The following SLC2A9 variants were observed in gnomAD, a reference collection of about 807,000 sequenced individuals.
SLC2A9 encodes solute carrier family 2 member 9.
Under a neutral mutation model 50.6 loss-of-function variants are expected in SLC2A9, and 39 were observed. The ratio of observed to expected loss-of-function variants is 0.77; its 90% CI spans 0.60 to 1.01. The LOEUF (loss-of-function observed/expected upper bound fraction) is 1.01. SLC2A9 is among the 50% of genes least tolerant of loss of function. The pLI, the probability that SLC2A9 is intolerant of heterozygous loss-of-function variation, is 0.00. For missense variants in SLC2A9, 686 were observed against 677.6 expected, an observed-to-expected ratio of 1.01 and a Z score of -0.14; for synonymous variants, 324 against 276.9, an observed-to-expected ratio of 1.17 and a Z score of -1.69.
At chr4:9,927,095 T>C (rs1276636144) in intron 6 of SLC2A9, among the ~76,000 whole-genome samples, 2 of 150,996 alleles carry the variant, frequency 1.3e-5, no homozygotes, top group African/African-American at 2.4e-5. Context: ...AGTGATGCAG[T>C]CTCCACTCAC....
intron 11 of SLC2A9, among the ~76,000 whole-genome samples, chr4:9,834,266 G>T (rs1291765269): frequency 6.6e-6 from 1 of 152,156 alleles, no homozygotes; most frequent in Non-Finnish European, 1.5e-5. Flanking sequence ...TCCAGAACCA[G>T]GAAACACAGG....
chr4:9,782,751 T>C lies in SLC2A9; in HGVS notation n.386-2686A>G, dbSNP rs1272263756. On this transcript the variant is annotated intron_variant and non_coding_transcript_variant, in intron 3 of 3. Coordinates refer to the SLC2A9 transcript ENST00000503803. ...AGCTTCTACATCCCCGTTGCCATCA[T>C]GATCGTGACCTACACGCGCATCTAC... The C allele has an allele frequency of 6.8e-6, 11 of 1,613,882 alleles. No individual in the cohort carries two copies. In the East Asian group the frequency reaches 1.6e-4, roughly 23 times the overall value.
chr4:9,783,487 G>A, intron 3 of SLC2A9: 1 of 1,575,628 alleles, frequency 6.3e-7, no homozygotes, highest in South Asian at 1.2e-5. Context: ...ACCCCCTCAT[G>A]GATCTGCATA....
At chr4:9,798,316 A>T (rs1720843825), downstream of SLC2A9, among the ~76,000 whole-genome samples, 1 of 152,234 alleles carries the variant, frequency 6.6e-6, no homozygotes, top group Non-Finnish European at 1.5e-5. Flanking sequence ...TATGCAATGC[A>T]CTTGCCCAGC....
intron 5 of SLC2A9, among the ~76,000 whole-genome samples, chr4:9,965,017 A>G (rs1159362695): frequency 1.3e-5 from 2 of 152,226 alleles, no homozygotes; most frequent in Non-Finnish European, 2.9e-5. Flanking sequence ...CTGCCACATG[A>G]CATAAATGAC....
chr4:9,985,675 C>G lies in SLC2A9; in HGVS notation c.529G>C (p.Asp177His), dbSNP rs1452116596. The change falls in exon 4 of 12, where the codon GAT becomes CAT. Residue 177 changes from aspartate to histidine, a missense_variant. By Grantham distance (81) the Asp-to-His change is moderately conservative. Transcript: ENST00000264784. ...CGTCATGGTGAACTCTCACCTCCAT[C>G]TATGCCCATGATGAAGCGTCCCACG... ...LIVGRFIMGI[D>H]GGVALSVLPM... 2.5e-6 allele frequency: 4 copies of G among 1,614,010 alleles called. No homozygotes were observed. The Admixed American group carries it at 6.7e-5, about 27-fold the overall frequency.
intron 3 of SLC2A9, among the ~76,000 whole-genome samples, chr4:9,819,908 TG>T (rs1724173662): frequency 6.6e-6 from 1 of 152,266 alleles, no homozygotes; most frequent in Non-Finnish European, 1.5e-5. Context: ...CACTCCAGCC[TG>T]GGTGACAGAG....
intron 10 of SLC2A9, among the ~76,000 whole-genome samples, chr4:9,843,598 G>T (rs1408049232): frequency 6.6e-6 from 1 of 152,136 alleles, no homozygotes. Flanking sequence ...GGCTCTATGT[G>T]ACCTTGGGCA....
intron 11 of SLC2A9, among the ~76,000 whole-genome samples, chr4:9,827,793 G>A (rs547967735): frequency 1.3e-5 from 2 of 152,338 alleles, no homozygotes; most frequent in African/African-American, 4.8e-5. Context: ...GACTTCAAGA[G>A]TAGTGTGGAG....
At chr4:9,782,734 C>T in intron 3 of SLC2A9, 3 of 1,614,016 alleles carry the variant, frequency 1.9e-6, no homozygotes, top group Admixed American at 1.7e-5. Context: ...TCAGCTTCTA[C>T]ATCCCCGTTG....
At chr4:9,970,987 G>A (rs13113006) in intron 5 of SLC2A9, among the ~76,000 whole-genome samples, 9,705 of 152,138 alleles carry the variant, frequency 0.064, 812 homozygotes, top group East Asian at 0.46. Context: ...TGCAGCCCCC[G>A]TCATGTACCG....
At chr4:9,990,302 A>C (rs1242290585) in intron 3 of SLC2A9, among the ~76,000 whole-genome samples, 1 of 152,146 alleles carries the variant, frequency 6.6e-6, no homozygotes, top group Non-Finnish European at 1.5e-5. Context: ...TCAAGCATCG[A>C]GCATTTTCCA....
At chr4:9,979,622 C>T (rs1161552722) in intron 5 of SLC2A9, among the ~76,000 whole-genome samples, 1 of 152,008 alleles carries the variant, frequency 6.6e-6, no homozygotes, top group East Asian at 1.9e-4. Flanking sequence ...TAGCAGCAGC[C>T]CTCTGCCTCT....
At position 9,851,682 on chromosome 4, in the gene SLC2A9, A is replaced by G. The variant is rs373697506; in HGVS notation, c.1292-16674T>C. 1.5e-3 allele frequency among the ~76,000 whole-genome samples: 231 copies of G among 152,168 alleles called. 1 individual carries two copies. The highest frequency in any genetic ancestry group is 0.01 in the Middle Eastern group (3 of 294). ...CAAGGAATCTAAGGAATTCAATAAA[A>G]CAATACAGGAGGTGAAAGACGAAAT... On this transcript the variant is annotated intron_variant, in intron 10 of 11. Transcript: ENST00000264784.
chr4:10,025,945 G>C, upstream of SLC2A9: 1 of 1,613,572 alleles, frequency 6.2e-7, no homozygotes, highest in Non-Finnish European at 8.5e-7. Flanking sequence ...TCTTCTCCTC[G>C]GTCCTTTTTA....
chr4:9,784,739 T>G (rs1194096284), intron 3 of SLC2A9, among the ~76,000 whole-genome samples: 1 of 152,234 alleles, frequency 6.6e-6, no homozygotes, highest in Non-Finnish European at 1.5e-5. Context: ...GAGCATATTA[T>G]TACCATCAGA....
At chr4:9,893,512 C>T (rs1737923447) in intron 8 of SLC2A9, among the ~76,000 whole-genome samples, 1 of 150,494 alleles carries the variant, frequency 6.6e-6, no homozygotes. Flanking sequence ...GAAGCAATGA[C>T]CAACAGCTTC....
At chr4:9,924,114 A>G (rs1475233877) in intron 6 of SLC2A9, 1 of 152,216 alleles carries the variant, frequency 6.6e-6, no homozygotes. Flanking sequence ...GCATATGGTG[A>G]TTAAAAAAAG....
chr4:9,821,313 T>C (rs1333796549), downstream of SLC2A9, among the ~76,000 whole-genome samples: 2 of 152,250 alleles, frequency 1.3e-5, no homozygotes. Context: ...ATTGTTGATT[T>C]AACTTGCTAA....
Sources: gnomAD v4.1 joint callset for allele counts (sites outside exome capture counted in the v4.1 genomes callset) on GRCh38, gnomAD v4.1.1 for gene constraint, MANE v1.5 for transcripts, NCBI Gene and HGNC (gene_info 2026-07-23, HGNC 2026-07-21) for gene names.